The following C13orf46 variants were observed in gnomAD, a reference collection of about 807,000 sequenced individuals.
The protein encoded by C13orf46 is chromosome 13 open reading frame 46, also known as uncharacterized protein C13orf46.
chr13:113,972,323 A>C (rs1303408798), intron 1 of C13orf46, among the ~76,000 whole-genome samples: 1 of 152,138 alleles, frequency 6.6e-6, no homozygotes, highest in Non-Finnish European at 1.5e-5. Flanking sequence ...ACGCCCCCCA[A>C]ATAGCACATA....
chr13:113,930,491 G>T, the C13orf46 span, among the ~76,000 whole-genome samples: 77 of 152,340 alleles, frequency 5.1e-4, no homozygotes, highest in African/African-American at 1.7e-3. Flanking sequence ...AGTGGCCACA[G>T]GGCAAGGTGC....
At chr13:113,966,969 G>A (rs958474522) in intron 5 of C13orf46, among the ~76,000 whole-genome samples, 1 of 152,132 alleles carries the variant, frequency 6.6e-6, no homozygotes, top group Non-Finnish European at 1.5e-5. Context: ...TTTACTGACA[G>A]AACCACACAT....
At chr13:113,945,702 A>G in the C13orf46 span, among the ~76,000 whole-genome samples, 1 of 152,208 alleles carries the variant, frequency 6.6e-6, no homozygotes. Flanking sequence ...TCTTCATCTG[A>G]GCTACTCCCA....
chr13:113,945,964 G>A, the C13orf46 span, among the ~76,000 whole-genome samples: 17 of 152,042 alleles, frequency 1.1e-4, no homozygotes, highest in African/African-American at 3.1e-4. Context: ...TAAACCCACC[G>A]CCGCCCGTTC....
At chr13:113,941,933 G>A in the C13orf46 span, among the ~76,000 whole-genome samples, 16 of 152,226 alleles carry the variant, frequency 1.1e-4, no homozygotes, top group Admixed American at 1.0e-3. Context: ...TGTCCTTGCC[G>A]GCGGCTGACT....
At chr13:113,947,751 T>A in the C13orf46 span, among the ~76,000 whole-genome samples, 1 of 152,142 alleles carries the variant, frequency 6.6e-6, no homozygotes, top group Non-Finnish European at 1.5e-5. Flanking sequence ...GCCAAGCAGA[T>A]GCGCAGCCAT....
chr13:113,933,579 A>C, the C13orf46 span, among the ~76,000 whole-genome samples: 3 of 152,282 alleles, frequency 2.0e-5, no homozygotes, highest in Non-Finnish European at 2.9e-5. Flanking sequence ...GATTCTGGAG[A>C]TCAATCTGGG....
At chr13:113,967,955 C>A (rs1349855197) in intron 4 of C13orf46, among the ~76,000 whole-genome samples, 4 of 152,206 alleles carry the variant, frequency 2.6e-5, no homozygotes, top group African/African-American at 9.6e-5. Context: ...GCATTTGAGT[C>A]AACTCCAAGG....
At position 113,956,283 on chromosome 13, in the gene C13orf46, GCA is replaced by G. The variant is rs2052532903; in HGVS notation, c.*488_*489del. 1 of 156,334 alleles carries G rather than the reference GCA, an allele frequency of 6.4e-6. No homozygotes were observed. Among genetic ancestry groups the G allele is most frequent in the Non-Finnish European group, 1.4e-5 (1 of 71,056 alleles). 9.7% of individuals were successfully genotyped at this position (156,334 alleles called of 1,614,324 possible). A position where few individuals can be genotyped will look rare whatever the true frequency, so the allele number is the denominator to read the frequency against. ...GAGGAACATCCGGTGGAGAGGAGGA[GCA>G]TCTGGTGGAGACGAGGAGCATCTGG... On this transcript the variant is annotated 3_prime_UTR_variant, in exon 7 of 7. Coordinates refer to ENST00000636427, the MANE Select transcript of C13orf46 (RefSeq NM_001365455.2).
intron 4 of C13orf46, among the ~76,000 whole-genome samples, chr13:113,967,850 C>A (rs1313258272): frequency 6.6e-6 from 1 of 152,196 alleles, no homozygotes; most frequent in Non-Finnish European, 1.5e-5. Context: ...GGAGACCCCC[C>A]CCGGGATGTG....
At chr13:113,965,974 GTGA>G (rs1180178676) in intron 5 of C13orf46, among the ~76,000 whole-genome samples, 4 of 150,412 alleles carry the variant, frequency 2.7e-5, no homozygotes, top group African/African-American at 9.8e-5. Flanking sequence ...TATAATGTTG[GTGA>G]TGATGGTGAC....
chr13:113,935,739 C>T, the C13orf46 span, among the ~76,000 whole-genome samples: 2 of 152,298 alleles, frequency 1.3e-5, no homozygotes, highest in East Asian at 1.9e-4. Flanking sequence ...AATGCATTTT[C>T]ATTTTTACAC....
chr13:113,953,349 G>C (rs2052497032), downstream of C13orf46, among the ~76,000 whole-genome samples: 1 of 152,214 alleles, frequency 6.6e-6, no homozygotes, highest in Non-Finnish European at 1.5e-5. Flanking sequence ...AGGCTCAGAG[G>C]AGCAGCACGT....
intron 6 of C13orf46, among the ~76,000 whole-genome samples, chr13:113,959,399 G>A (rs1247832329): frequency 6.6e-6 from 1 of 152,214 alleles, no homozygotes; most frequent in Non-Finnish European, 1.5e-5. Flanking sequence ...GAGGCTGTCT[G>A]ATTGGCTAGG....
At chr13:113,951,350 C>T (rs1448367429), downstream of C13orf46, among the ~76,000 whole-genome samples, 1 of 152,182 alleles carries the variant, frequency 6.6e-6, no homozygotes. Context: ...CCCTGCGGGC[C>T]GGGCTGGAGC....
the C13orf46 span, among the ~76,000 whole-genome samples, chr13:113,932,712 T>G: frequency 6.6e-6 from 1 of 152,248 alleles, no homozygotes; most frequent in Non-Finnish European, 1.5e-5. Flanking sequence ...AGTTTTAAAT[T>G]AATAAAATTT....
chr13:113,941,704 A>T, the C13orf46 span, among the ~76,000 whole-genome samples: 1 of 152,164 alleles, frequency 6.6e-6, no homozygotes. Flanking sequence ...GGTGGCCTTC[A>T]GCACAGCACG....
At chr13:113,949,151 C>T (rs1447620841), downstream of C13orf46, among the ~76,000 whole-genome samples, 4 of 152,350 alleles carry the variant, frequency 2.6e-5, no homozygotes, top group African/African-American at 9.6e-5. Flanking sequence ...TTTTGGGCAT[C>T]AGGGTTGGGG....
chr13:113,927,687 A>T, the C13orf46 span: 8 of 398,548 alleles, frequency 2.0e-5, no homozygotes, highest in East Asian at 2.8e-4. Context: ...ACTAAGTTAG[A>T]AGCTTTGGCT....
Sources: allele counts gnomAD v4.1 joint callset (sites outside exome capture counted in the v4.1 genomes callset), GRCh38; gene constraint gnomAD v4.1.1; transcripts MANE v1.5; gene names NCBI Gene and HGNC (gene_info 2026-07-23, HGNC 2026-07-21).